Variants in SLC24A3 observed in about 807,000 individuals in gnomAD.
The protein encoded by SLC24A3 is sodium/potassium/calcium exchanger 3.
A neutral mutation model predicts 75.8 loss-of-function variants in SLC24A3; 28 were observed. That is an observed-to-expected ratio of 0.37 (90% confidence interval 0.27 to 0.51). The LOEUF (loss-of-function observed/expected upper bound fraction) is 0.51, where lower values mean the gene tolerates loss of function less well. Ranked by LOEUF, SLC24A3 falls within the 20% of genes least tolerant of loss-of-function variation. SLC24A3 has a pLI of 0.94. For synonymous variants in SLC24A3, 372 were observed against 334.1 expected, an observed-to-expected ratio of 1.11 and a Z score of -1.24; for missense variants, 663 against 847.8, an observed-to-expected ratio of 0.78 and a Z score of 2.71.
At chr20:19,520,573 C>G (rs1049651839) in intron 3 of SLC24A3, among the ~76,000 whole-genome samples, 9 of 152,156 alleles carry the variant, frequency 5.9e-5, no homozygotes, top group African/African-American at 1.9e-4. Flanking sequence ...GAAGTCCAAG[C>G]AGGATTCTTG....
intron 3 of SLC24A3, among the ~76,000 whole-genome samples, chr20:19,535,555 G>A (rs1253528153): frequency 6.6e-6 from 1 of 152,142 alleles, no homozygotes; most frequent in East Asian, 1.9e-4. Flanking sequence ...ACATTCTATT[G>A]GTCAAAGCAA....
rs6106060 is a variant in SLC24A3 at position 19,343,532 on chromosome 20, T to C, written c.271+62445T>C. On this transcript the variant is annotated intron_variant, in intron 2 of 16. Transcript: ENST00000328041. ...GATATTGTTTTGCACCCAGTAGAAA[T>C]GTACAGCCTTACTTCTCTGAGAGTT... Among the ~76,000 whole-genome samples the C allele has an allele frequency of 2.7e-3, 415 of 151,976 alleles. 1 individual carries two copies. Among genetic ancestry groups the C allele is most frequent in the African/African-American group, 9.5e-3 (392 of 41,444 alleles).
At chr20:19,517,010 G>A (rs1033552592) in intron 3 of SLC24A3, among the ~76,000 whole-genome samples, 1 of 152,082 alleles carries the variant, frequency 6.6e-6, no homozygotes, top group Non-Finnish European at 1.5e-5. Flanking sequence ...TCTTCAACTG[G>A]TCTCCCACTC....
intron 2 of SLC24A3, among the ~76,000 whole-genome samples, chr20:19,438,846 T>C (rs1340373686): frequency 1.3e-5 from 2 of 152,024 alleles, no homozygotes; most frequent in Non-Finnish European, 2.9e-5. Flanking sequence ...CGTTGGCCTC[T>C]GCACCTGGCA....
chr20:19,501,053 G>A (rs779826378), intron 2 of SLC24A3, among the ~76,000 whole-genome samples: 98 of 152,072 alleles, frequency 6.4e-4, no homozygotes, highest in Non-Finnish European at 1.2e-3. Flanking sequence ...AGCCAACCCT[G>A]CAATGATACA....
chr20:19,256,535 G>A (rs139452537), intron 1 of SLC24A3, among the ~76,000 whole-genome samples: 54 of 152,192 alleles, frequency 3.5e-4, no homozygotes, highest in African/African-American at 1.2e-3. Context: ...TTGGGAGGCC[G>A]AGGTGGGCAG....
At chr20:19,342,327 G>T (rs1181446858) in intron 2 of SLC24A3, among the ~76,000 whole-genome samples, 1 of 152,196 alleles carries the variant, frequency 6.6e-6, no homozygotes, top group Admixed American at 6.5e-5. Flanking sequence ...TTTATGTCTT[G>T]CCCAAGCACT....
At chr20:19,461,679 C>T (rs780763377) in intron 2 of SLC24A3, among the ~76,000 whole-genome samples, 20 of 151,834 alleles carry the variant, frequency 1.3e-4, no homozygotes, top group Non-Finnish European at 2.1e-4. Flanking sequence ...ATAACAAGTG[C>T]GCACCACCAC....
chr20:19,495,672 C>T (rs561609217), intron 2 of SLC24A3, among the ~76,000 whole-genome samples: 1 of 152,374 alleles, frequency 6.6e-6, no homozygotes, highest in African/African-American at 2.4e-5. Flanking sequence ...ACTCCCTCGG[C>T]TGTGCCCAAT....
intron 16 of SLC24A3, among the ~76,000 whole-genome samples, chr20:19,719,039 C>T (rs891376165): frequency 6.6e-6 from 1 of 152,112 alleles, no homozygotes; most frequent in Non-Finnish European, 1.5e-5. Context: ...GGGAATAAAA[C>T]CACGAGAGTG....
chr20:19,335,568 G>C (rs1007285847), intron 2 of SLC24A3, among the ~76,000 whole-genome samples: 1 of 152,128 alleles, frequency 6.6e-6, no homozygotes, highest in Non-Finnish European at 1.5e-5. Flanking sequence ...TGTTGCAAGG[G>C]GGTTACTGGA....
intron 2 of SLC24A3, among the ~76,000 whole-genome samples, chr20:19,416,511 C>G (rs1212425621): frequency 6.6e-6 from 1 of 152,200 alleles, no homozygotes; most frequent in Admixed American, 6.5e-5. Context: ...GGGTCCTTCT[C>G]CCTCACAGAC....
At chr20:19,501,822 G>A (rs1375909774) in intron 2 of SLC24A3, among the ~76,000 whole-genome samples, 2 of 152,086 alleles carry the variant, frequency 1.3e-5, no homozygotes, top group African/African-American at 4.8e-5. Flanking sequence ...CATGCAATTA[G>A]CTCACCTCCC....
chr20:19,353,745 C>T (rs74525100), intron 2 of SLC24A3, among the ~76,000 whole-genome samples: 1,843 of 152,222 alleles, frequency 0.012, 40 homozygotes, highest in African/African-American at 0.042. Context: ...CATCATTAGT[C>T]ACTGGGAAAT....
chr20:19,281,902 C>T (rs1268364826), intron 2 of SLC24A3, among the ~76,000 whole-genome samples: 3 of 152,214 alleles, frequency 2.0e-5, no homozygotes, highest in South Asian at 2.1e-4. Context: ...CCAAAACAGG[C>T]GGTGGGATGG....
intron 6 of SLC24A3, among the ~76,000 whole-genome samples, chr20:19,616,366 G>A (rs2031736247): frequency 6.6e-6 from 1 of 152,244 alleles, no homozygotes; most frequent in African/African-American, 2.4e-5. Context: ...GGGAGTTTGT[G>A]TGTCACCTCT....
intron 6 of SLC24A3, among the ~76,000 whole-genome samples, chr20:19,640,431 A>AT (rs917637541): frequency 6.6e-5 from 10 of 152,132 alleles, no homozygotes; most frequent in African/African-American, 1.2e-4. Context: ...GTCCTGCTTG[A>AT]TTTTTTTTAA....
chr20:19,220,927 T>C (rs759581753), intron 1 of SLC24A3, among the ~76,000 whole-genome samples: 26 of 152,260 alleles, frequency 1.7e-4, no homozygotes, highest in Non-Finnish European at 3.2e-4. Flanking sequence ...AAGCACATTT[T>C]GCTGTTCGTC....
intron 3 of SLC24A3, among the ~76,000 whole-genome samples, chr20:19,553,684 ACT>A (rs1460569474): frequency 1.3e-5 from 2 of 152,204 alleles, no homozygotes; most frequent in Non-Finnish European, 2.9e-5. Flanking sequence ...TGATATGGCA[ACT>A]GCAAGCCTTG....
Sources: allele counts gnomAD v4.1 joint callset (sites outside exome capture counted in the v4.1 genomes callset), GRCh38; gene constraint gnomAD v4.1.1; transcripts MANE v1.5; gene names NCBI Gene and HGNC (gene_info 2026-07-23, HGNC 2026-07-21).